STIP1: variants seen among roughly 807,000 people sequenced by gnomAD.
STIP1 encodes stress induced phosphoprotein 1, also known as stress-induced-phosphoprotein 1.
A neutral mutation model predicts 77.4 loss-of-function variants in STIP1; 16 were observed. The observed-to-expected ratio is 0.21, with a 90% CI of 0.14 to 0.31. The LOEUF (loss-of-function observed/expected upper bound fraction) is 0.31. Ranked by LOEUF, STIP1 falls within the 10% of genes least tolerant of loss-of-function variation. STIP1 has a pLI of 1.00. For missense variants in STIP1, 524 were observed against 684.8 expected, an observed-to-expected ratio of 0.77 and a Z score of 2.62; for synonymous variants, 258 against 246.6, an observed-to-expected ratio of 1.05 and a Z score of -0.44.
chr11:64,188,865 G>C (rs974761585), intron 1 of STIP1, among the ~76,000 whole-genome samples: 1 of 152,152 alleles, frequency 6.6e-6, no homozygotes, highest in African/African-American at 2.4e-5. Context: ...AAACAAACAC[G>C]ATTTCTCTAC....
At chr11:64,195,413 G>A (rs1162962130) in intron 4 of STIP1, among the ~76,000 whole-genome samples, 1 of 152,156 alleles carries the variant, frequency 6.6e-6, no homozygotes, top group African/African-American at 2.4e-5. Context: ...ACCGTGCTCC[G>A]CTATCTGTGA....
rs779012872 is a variant in STIP1, at chr11:64,203,462, G to A, written c.1399G>A (p.Gly467Ser). 2.8e-5 allele frequency: 45 copies of A among 1,613,884 alleles called. No homozygotes were observed. Among genetic ancestry groups the A allele is most frequent in the Non-Finnish European group, 3.2e-5 (38 of 1,179,992 alleles). Residue 467 changes from glycine to serine, a missense_variant, in exon 13 of 14, where the codon GGC (glycine) becomes AGC (serine). By Grantham distance (56) the Gly-to-Ser change is moderately conservative. Transcript: ENST00000305218. ...TTCTGGACTGCAGGAGGCGGCAGAC[G>A]GCTACCAGCGCTGTATGATGGCGCA... ...LDSSCKEAADGYQRCMMAQYN... is the reference protein window; with the variant it reads ...LDSSCKEAADSYQRCMMAQYN...
chr11:64,195,905 A>C, intron 5 of STIP1, 92 bp downstream of exon 5: 1 of 1,553,870 alleles, frequency 6.4e-7, no homozygotes, highest in East Asian at 2.2e-5. Context: ...TTGATTGACC[A>C]TGATTATTAT....
chr11:64,188,626 C>T (rs543817659), intron 1 of STIP1, among the ~76,000 whole-genome samples: 13 of 152,316 alleles, frequency 8.5e-5, no homozygotes, highest in African/African-American at 2.9e-4. Context: ...ATCCTCTAGC[C>T]TTGGCCTCCC....
chr11:64,202,803 C>T (rs1946234025), intron 10 of STIP1, 73 bp from the exon 11 acceptor site: 1 of 1,572,602 alleles, frequency 6.4e-7, no homozygotes, highest in Non-Finnish European at 8.8e-7. Flanking sequence ...GTTGGAAGTC[C>T]ACATGCTTGA....
intron 4 of STIP1, 138 bp downstream of exon 4, chr11:64,194,758 T>G (rs1445722983): frequency 9.1e-6 from 10 of 1,103,548 alleles, no homozygotes; most frequent in African/African-American, 3.2e-5. Context: ...CAGTAGGTGG[T>G]GGTCGTTTAT....
At chr11:64,203,264 C>A in intron 12 of STIP1, 36 bp downstream of exon 12, 1 of 1,607,344 alleles carries the variant, frequency 6.2e-7, no homozygotes. Flanking sequence ...GCCCCCCCTG[C>A]CTCTTTCTCT....
Position 64,186,288 on chromosome 11 carries a change from G to A in STIP1, c.9+18G>A, listed in dbSNP as rs1467555685. On this transcript the variant is annotated intron_variant, in intron 1 of 13. Transcript: ENST00000305218. ...TGGAGCAGGTGAAGGGGGAGGGGCG[G>A]GCTGAGGCCCCGAGCCTGCTCGGGG... is the stretch of plus-strand genomic sequence containing the variant. 2 of 1,543,608 alleles carry A rather than the reference G, an allele frequency of 1.3e-6. No homozygotes were observed. The highest frequency in any genetic ancestry group is 2.0e-5 in the Admixed American group (1 of 50,656).
chr11:64,198,368 ATGC>A (rs994253359), intron 8 of STIP1, among the ~76,000 whole-genome samples: 2 of 152,144 alleles, frequency 1.3e-5, no homozygotes, highest in East Asian at 3.8e-4. Flanking sequence ...GCACGCCACT[ATGC>A]CCGGCTAATT....
chr11:64,185,518 A>G, upstream of STIP1: 1 of 392,150 alleles, frequency 2.6e-6, no homozygotes, highest in Non-Finnish European at 4.7e-6. Context: ...CGCTCGAGGG[A>G]CAGGCAGCTC....
At chr11:64,198,696 TTC>T (rs1946178302) in intron 8 of STIP1, among the ~76,000 whole-genome samples, 1 of 151,952 alleles carries the variant, frequency 6.6e-6, no homozygotes. Context: ...ACATGATTCT[TTC>T]TCTGTCATTT....
rs941342025 is a variant in STIP1 at position 64,204,209 on chromosome 11, G to A, written c.*83G>A. The A allele has an allele frequency of 1.4e-6, 2 of 1,397,072 alleles. No homozygotes were observed. The highest frequency in any genetic ancestry group is 1.9e-5 in the Admixed American group (1 of 53,244). 86.5% of individuals were successfully genotyped at this position (1,397,072 alleles called of 1,614,324 possible). On this transcript the variant is annotated 3_prime_UTR_variant, in exon 14 of 14. Coordinates refer to ENST00000305218, the MANE Select transcript of STIP1 (RefSeq NM_006819.3). ...GGCGAGCAGCACGGAGCGGAAGGGA[G>A]AGCAGGGGAGAGAAGGCCTCATCTC...
intron 5 of STIP1, 87 bp from the exon 6 acceptor site, chr11:64,197,184 G>A (rs1313589764): frequency 1.9e-6 from 3 of 1,557,404 alleles, no homozygotes; most frequent in Non-Finnish European, 2.6e-6. Flanking sequence ...CATGTTAGTT[G>A]CATTTCAGAA....
intron 1 of STIP1, 128 bp downstream of exon 1, chr11:64,186,398 CGGCGGCGGGGAGGTGAGGGCCGCG>C (rs1946017778): frequency 3.0e-6 from 1 of 330,380 alleles, no homozygotes; most frequent in South Asian, 7.8e-5. Flanking sequence ...CCGGACGGGG[CGGCGGCGGGGAGGTGAGGGCCGCG>C]GGCGGCGGGC....
intron 2 of STIP1, 131 bp from the exon 3 acceptor site, chr11:64,194,057 CT>C (rs1946120789): frequency 6.1e-6 from 8 of 1,314,508 alleles, no homozygotes; most frequent in Non-Finnish European, 8.4e-6. Flanking sequence ...TACTCCTCTC[CT>C]TTTTTTCTCT....
chr11:64,196,007 G>A (rs1019295572), intron 5 of STIP1, 194 bp downstream of exon 5: 7 of 719,946 alleles, frequency 9.7e-6, no homozygotes, highest in Non-Finnish European at 1.6e-5. Context: ...TAGGATTACA[G>A]TCACGAGCCA....
At chr11:64,193,940 T>C (rs988983660) in intron 2 of STIP1, among the ~76,000 whole-genome samples, 1 of 152,168 alleles carries the variant, frequency 6.6e-6, no homozygotes, top group African/African-American at 2.4e-5. Context: ...AGGGAAAAAG[T>C]GTTGCCAAAG....
intron 5 of STIP1, among the ~76,000 whole-genome samples, chr11:64,196,274 T>C (rs1388679892): frequency 6.6e-6 from 1 of 150,498 alleles, no homozygotes; most frequent in Non-Finnish European, 1.5e-5. Context: ...TGGGCGCCTG[T>C]AGTCCCAGCT....
intron 1 of STIP1, 78 bp downstream of exon 1, chr11:64,186,348 G>T: frequency 1.0e-6 from 1 of 969,434 alleles, no homozygotes; most frequent in African/African-American, 1.7e-5. Flanking sequence ...GGGGGGCGGG[G>T]CGGGCGCCGG....
Sources: allele counts gnomAD v4.1 joint callset (sites outside exome capture counted in the v4.1 genomes callset), GRCh38; gene constraint gnomAD v4.1.1; transcripts MANE v1.5; gene names NCBI Gene and HGNC (gene_info 2026-07-23, HGNC 2026-07-21).